Variants in BACH2 observed in about 807,000 individuals in gnomAD.
The protein encoded by BACH2 is BACH transcriptional regulator 2.
Under a neutral mutation model 61.8 loss-of-function variants are expected in BACH2, and 5 were observed. That is an observed-to-expected ratio of 0.08 (90% CI 0.04 to 0.17). BACH2 has a LOEUF of 0.17. Among genes scored for constraint, BACH2 ranks in the 10% least tolerant of loss-of-function variants. BACH2 has a pLI of 1.00. For synonymous variants in BACH2, 446 were observed against 440.1 expected, an observed-to-expected ratio of 1.01 and a Z score of -0.17; for missense variants, 824 against 1,091.1, an observed-to-expected ratio of 0.76 and a Z score of 3.45.
intron 5 of BACH2, among the ~76,000 whole-genome samples, chr6:90,064,404 G>A (rs1029346120): frequency 2.0e-5 from 3 of 152,206 alleles, no homozygotes; most frequent in Admixed American, 6.5e-5. Context: ...AATATTCTGA[G>A]GAATATGGTC....
At chr6:90,087,459 T>A (rs1781981806) in intron 5 of BACH2, among the ~76,000 whole-genome samples, 1 of 152,200 alleles carries the variant, frequency 6.6e-6, no homozygotes, top group African/African-American at 2.4e-5. Flanking sequence ...AATGCATATA[T>A]CTATTCACAG....
chr6:90,123,247 C>T (rs1043435320), intron 4 of BACH2, among the ~76,000 whole-genome samples: 2 of 152,120 alleles, frequency 1.3e-5, no homozygotes, highest in Non-Finnish European at 2.9e-5. Context: ...AGATTGGAGT[C>T]ATTTAGCCAT....
intron 4 of BACH2, among the ~76,000 whole-genome samples, chr6:90,109,971 T>C (rs760210695): frequency 1.6e-4 from 24 of 152,230 alleles, no homozygotes; most frequent in Admixed American, 3.3e-4. Flanking sequence ...CAATAAAACA[T>C]TGTATATTAA....
chr6:90,167,941 A>G (rs1431900544), intron 4 of BACH2, among the ~76,000 whole-genome samples: 1 of 152,262 alleles, frequency 6.6e-6, no homozygotes, highest in Non-Finnish European at 1.5e-5. Flanking sequence ...ACATGGATGT[A>G]AAAGTCATTA....
chr6:90,066,169 T>G (rs913891151), intron 5 of BACH2, among the ~76,000 whole-genome samples: 54 of 152,128 alleles, frequency 3.5e-4, no homozygotes, highest in African/African-American at 1.3e-3. Flanking sequence ...CAGTATGTAC[T>G]TACTGAAGAA....
rs148637161 is a variant in BACH2 at position 90,223,266 on chromosome 6, G to A, written c.-274-16585C>T. Among the ~76,000 whole-genome samples, 695 of 152,296 alleles carry A rather than the reference G, an allele frequency of 4.6e-3. 6 individuals are homozygous for A. Among genetic ancestry groups the A allele is most frequent in the Middle Eastern group, 0.02 (6 of 294 alleles). On this transcript the variant is annotated intron_variant, in intron 3 of 8. Transcript: ENST00000257749. ...CAACGCTGGGCACTGGGGAAGCAAA[G>A]CTACGACATAATTCTTACTTTCAAA...
chr6:90,139,705 C>T (rs1267405117), intron 4 of BACH2, among the ~76,000 whole-genome samples: 2 of 152,078 alleles, frequency 1.3e-5, no homozygotes, highest in Non-Finnish European at 2.9e-5. Flanking sequence ...TCGGATGTGT[C>T]CTTATCTTCC....
intron 4 of BACH2, among the ~76,000 whole-genome samples, chr6:90,165,298 C>T (rs941906563): frequency 2.0e-5 from 3 of 152,168 alleles, no homozygotes; most frequent in African/African-American, 4.8e-5. Flanking sequence ...CATGAGGGAA[C>T]TCCCATTTAC....
At chr6:90,121,370 G>A (rs1037196812) in intron 4 of BACH2, among the ~76,000 whole-genome samples, 3 of 151,894 alleles carry the variant, frequency 2.0e-5, no homozygotes, top group African/African-American at 7.3e-5. Flanking sequence ...TGGAACCCTG[G>A]GAAGCTCTAG....
intron 5 of BACH2, among the ~76,000 whole-genome samples, chr6:90,047,681 A>G (rs1779853984): frequency 6.6e-6 from 1 of 152,138 alleles, no homozygotes; most frequent in Non-Finnish European, 1.5e-5. Flanking sequence ...AAGTTAGTGG[A>G]TAATTGTGGT....
intron 5 of BACH2, among the ~76,000 whole-genome samples, chr6:90,036,354 T>C (rs1394675035): frequency 2.0e-5 from 3 of 152,094 alleles, no homozygotes; most frequent in African/African-American, 7.2e-5. Context: ...GGTGATATTG[T>C]TCCCTTGTTA....
At chr6:90,136,540 C>T (rs890401893) in intron 4 of BACH2, among the ~76,000 whole-genome samples, 1 of 152,152 alleles carries the variant, frequency 6.6e-6, no homozygotes, top group Non-Finnish European at 1.5e-5. Flanking sequence ...ACACCCCTCC[C>T]CTGGCCCACT....
At chr6:90,090,472 T>A (rs1184529523) in intron 4 of BACH2, among the ~76,000 whole-genome samples, 1 of 152,188 alleles carries the variant, frequency 6.6e-6, no homozygotes, top group East Asian at 1.9e-4. Flanking sequence ...ATGAACCTTA[T>A]CACAGACAGA....
chr6:90,042,665 A>T (rs1446711978), intron 5 of BACH2, among the ~76,000 whole-genome samples: 1 of 152,220 alleles, frequency 6.6e-6, no homozygotes, highest in Non-Finnish European at 1.5e-5. Flanking sequence ...TCACAGAAAC[A>T]TAAGGACAAG....
intron 3 of BACH2, among the ~76,000 whole-genome samples, chr6:90,222,740 T>C (rs1426123426): frequency 1.3e-5 from 2 of 152,224 alleles, no homozygotes; most frequent in Non-Finnish European, 2.9e-5. Context: ...TCGTTCTTTA[T>C]GTCTCCTTGC....
At chr6:90,030,828 G>C (rs1778937244) in intron 5 of BACH2, among the ~76,000 whole-genome samples, 2 of 151,982 alleles carry the variant, frequency 1.3e-5, no homozygotes, top group African/African-American at 2.4e-5. Context: ...AATAGAAAAA[G>C]AGGGAATCCT....
At chr6:90,022,332 C>T (rs1207799027) in intron 5 of BACH2, among the ~76,000 whole-genome samples, 1 of 152,116 alleles carries the variant, frequency 6.6e-6, no homozygotes, top group Non-Finnish European at 1.5e-5. Context: ...GCCTGTAATC[C>T]CAGCACTTTG....
intron 5 of BACH2, among the ~76,000 whole-genome samples, chr6:90,070,602 T>A (rs1305363678): frequency 1.3e-5 from 2 of 152,206 alleles, no homozygotes; most frequent in Non-Finnish European, 2.9e-5. Flanking sequence ...TCCCACACAG[T>A]GCAGCAGTCT....
intron 4 of BACH2, among the ~76,000 whole-genome samples, chr6:90,131,279 C>T (rs548042749): frequency 6.6e-6 from 1 of 152,320 alleles, no homozygotes; most frequent in South Asian, 2.1e-4. Context: ...TGCTTCAAGT[C>T]CTGTGTCAGC....
Sources: gnomAD v4.1 joint callset for allele counts (sites outside exome capture counted in the v4.1 genomes callset) on GRCh38, gnomAD v4.1.1 for gene constraint, MANE v1.5 for transcripts, NCBI Gene and HGNC (gene_info 2026-07-23, HGNC 2026-07-21) for gene names.